Variants in DLEU7 observed in about 807,000 individuals in gnomAD.
DLEU7 encodes the protein leukemia-associated protein 7.
DLEU7 carries 17 observed loss-of-function variants against 16.0 expected under a neutral mutation model. The ratio of observed to expected loss-of-function variants is 1.06; its 90% CI spans 0.73 to 1.59. DLEU7 has a LOEUF of 1.59. Among genes scored for constraint, DLEU7 ranks in the 40% most tolerant of loss-of-function variants. The pLI is 0.00. For synonymous variants in DLEU7, 113 were observed against 139.8 expected (o/e 0.81, Z 1.35); for missense variants, 308 against 314.9 (o/e 0.98, Z 0.17).
intron 1 of DLEU7, among the ~76,000 whole-genome samples, chr13:50,787,090 G>A (rs567996827): frequency 5.3e-5 from 8 of 152,172 alleles, no homozygotes; most frequent in Non-Finnish European, 7.4e-5. Context: ...TTTAGCCTTC[G>A]TTTCAAGTTT....
chr13:50,804,217 A>G (rs555224627), intron 1 of DLEU7, among the ~76,000 whole-genome samples: 1 of 151,732 alleles, frequency 6.6e-6, no homozygotes, highest in South Asian at 2.1e-4. Context: ...TTTCCTTTAT[A>G]TGAACTTTAG....
At chr13:50,766,938 T>A (rs1380999418) in intron 1 of DLEU7, among the ~76,000 whole-genome samples, 1 of 152,090 alleles carries the variant, frequency 6.6e-6, no homozygotes, top group Non-Finnish European at 1.5e-5. Context: ...TTGTCTCCCC[T>A]GGGTCTGTGT....
intron 1 of DLEU7, chr13:50,813,128 A>G (rs939584472): frequency 6.6e-6 from 1 of 152,154 alleles, no homozygotes; most frequent in African/African-American, 2.4e-5. Flanking sequence ...TGACTAATGC[A>G]TGGATACCAG....
chr13:50,723,272 A>T (rs1251118557), intron 1 of DLEU7: 1 of 152,206 alleles, frequency 6.6e-6, no homozygotes, highest in East Asian at 1.9e-4. Context: ...ATAATTAGCC[A>T]TCAATTTTAT....
At chr13:50,746,762 G>A (rs1348463366) in intron 1 of DLEU7, among the ~76,000 whole-genome samples, 2 of 152,108 alleles carry the variant, frequency 1.3e-5, no homozygotes, top group Admixed American at 1.3e-4. Context: ...ACAGAAAGAT[G>A]AAGAGAGGCA....
chr13:50,794,212 G>T (rs1876046644), intron 1 of DLEU7, among the ~76,000 whole-genome samples: 2 of 152,060 alleles, frequency 1.3e-5, no homozygotes, highest in South Asian at 2.1e-4. Flanking sequence ...GCCAAGCACA[G>T]GTCAATAGAT....
chr13:50,722,863 C>G (rs1003688594), intron 1 of DLEU7, among the ~76,000 whole-genome samples: 13 of 152,116 alleles, frequency 8.5e-5, no homozygotes, highest in African/African-American at 2.4e-4. Flanking sequence ...TAATTTCTCC[C>G]AATAGTAGCA....
chr13:50,753,521 C>T (rs1566239201), intron 1 of DLEU7, among the ~76,000 whole-genome samples: 1 of 152,356 alleles, frequency 6.6e-6, no homozygotes, highest in East Asian at 1.9e-4. Flanking sequence ...GCTGGGGGAC[C>T]CAGTACATCC....
At chr13:50,812,068 T>C (rs1290891221) in intron 1 of DLEU7, among the ~76,000 whole-genome samples, 1 of 23,452 alleles carries the variant, frequency 4.3e-5, no homozygotes, top group Non-Finnish European at 9.3e-5. Flanking sequence ...AGATTCCATC[T>C]CAAAAAAAAA....
chr13:50,797,106 C>T (rs937673513), intron 1 of DLEU7, among the ~76,000 whole-genome samples: 1 of 152,094 alleles, frequency 6.6e-6, no homozygotes, highest in Non-Finnish European at 1.5e-5. Flanking sequence ...AAGATCCGAA[C>T]GTGGAGTACA....
intron 1 of DLEU7, among the ~76,000 whole-genome samples, chr13:50,805,712 G>A (rs990038638): frequency 3.3e-5 from 5 of 151,724 alleles, no homozygotes; most frequent in African/African-American, 9.7e-5. Flanking sequence ...CAGCTTTATC[G>A]CCTTTCCTTT....
At chr13:50,746,818 C>T (rs1169905024) in intron 1 of DLEU7, among the ~76,000 whole-genome samples, 1 of 152,150 alleles carries the variant, frequency 6.6e-6, no homozygotes, top group African/African-American at 2.4e-5. Context: ...AAAAAAGGAT[C>T]AGCATTCAAA....
chr13:50,748,212 A>G (rs1439778518), intron 1 of DLEU7, among the ~76,000 whole-genome samples: 2 of 149,938 alleles, frequency 1.3e-5, no homozygotes. Context: ...TTTACTTCTT[A>G]CACAGACTCC....
At chr13:50,723,435 C>G (rs1873674694) in intron 1 of DLEU7, among the ~76,000 whole-genome samples, 1 of 151,974 alleles carries the variant, frequency 6.6e-6, no homozygotes. Context: ...CACACACACA[C>G]ACACACACAC....
intron 1 of DLEU7, among the ~76,000 whole-genome samples, chr13:50,784,981 T>C (rs1875759919): frequency 6.6e-6 from 1 of 152,180 alleles, no homozygotes. Flanking sequence ...ATTGGGCTTT[T>C]ACTTGGGCTG....
chr13:50,787,871 C>A (rs1415575593), intron 1 of DLEU7, among the ~76,000 whole-genome samples: 1 of 152,144 alleles, frequency 6.6e-6, no homozygotes, highest in Non-Finnish European at 1.5e-5. Flanking sequence ...CTTCCCTCTG[C>A]TCATACCCAT....
chr13:50,713,394 T>C (rs1873350483), intron 1 of DLEU7, among the ~76,000 whole-genome samples: 1 of 152,342 alleles, frequency 6.6e-6, no homozygotes, highest in East Asian at 1.9e-4. Flanking sequence ...CTACCCATTA[T>C]AGATAATTAC....
At chr13:50,735,629 T>G (rs1300158202) in intron 1 of DLEU7, among the ~76,000 whole-genome samples, 2 of 151,784 alleles carry the variant, frequency 1.3e-5, no homozygotes, top group Admixed American at 6.6e-5. Flanking sequence ...AAATCTAATA[T>G]CCAGTATCTA....
At chr13:50,773,749 C>T (rs1203719624) in intron 1 of DLEU7, among the ~76,000 whole-genome samples, 3 of 152,214 alleles carry the variant, frequency 2.0e-5, no homozygotes, top group Non-Finnish European at 2.9e-5. Context: ...CTTGAGGAGG[C>T]AGTCTGCCTG....
Sources: allele counts gnomAD v4.1 joint callset (sites outside exome capture counted in the v4.1 genomes callset), GRCh38; gene constraint gnomAD v4.1.1; transcripts MANE v1.5; gene names NCBI Gene and HGNC (gene_info 2026-07-23, HGNC 2026-07-21).